USP12: variants seen among roughly 807,000 people sequenced by gnomAD.
USP12 encodes the protein ubiquitin specific peptidase 12, also known as ubiquitin carboxyl-terminal hydrolase 12.
Under a neutral mutation model 45.5 loss-of-function variants are expected in USP12, and 19 were observed. The observed-to-expected ratio is 0.42, with a 90% CI of 0.29 to 0.61. The LOEUF (loss-of-function observed/expected upper bound fraction) is 0.61, where lower values mean the gene tolerates loss of function less well. USP12 is among the 20% of genes least tolerant of loss of function. The pLI is 0.22. For synonymous variants in USP12, 149 were observed against 148.8 expected (o/e 1.00, Z -0.01); for missense variants, 242 against 447.7 (o/e 0.54, Z 4.15).
At chr13:27,080,219 G>C (rs1873685208) in intron 6 of USP12, among the ~76,000 whole-genome samples, 1 of 152,220 alleles carries the variant, frequency 6.6e-6, no homozygotes, top group Admixed American at 6.5e-5. Flanking sequence ...GATTCCAGAA[G>C]ACTTGCATGG....
intron 6 of USP12, among the ~76,000 whole-genome samples, chr13:27,080,636 T>C (rs1235024945): frequency 6.6e-6 from 1 of 152,188 alleles, no homozygotes; most frequent in Non-Finnish European, 1.5e-5. Context: ...GTACTGTCAC[T>C]AATCATTGGA....
chr13:27,113,662 G>A (rs191173981), intron 2 of USP12, among the ~76,000 whole-genome samples: 1 of 152,240 alleles, frequency 6.6e-6, no homozygotes. Context: ...AATTACTGTC[G>A]TGTTATCAAT....
chr13:27,095,359 A>C (rs752906173), intron 4 of USP12, among the ~76,000 whole-genome samples: 1 of 152,224 alleles, frequency 6.6e-6, no homozygotes, highest in Non-Finnish European at 1.5e-5. Context: ...TCCTAAACTG[A>C]AAGAAAATCA....
At chr13:27,099,023 C>A (rs953499158) in intron 3 of USP12, among the ~76,000 whole-genome samples, 2 of 152,180 alleles carry the variant, frequency 1.3e-5, no homozygotes, top group African/African-American at 4.8e-5. Flanking sequence ...CACCTGAGGT[C>A]AGGAGTTCAA....
chr13:27,160,530 G>A (rs901421832), intron 1 of USP12, among the ~76,000 whole-genome samples: 31 of 150,132 alleles, frequency 2.1e-4, no homozygotes, highest in African/African-American at 7.6e-4. Context: ...ACAATGAAAA[G>A]ATTCTAATTT....
intron 1 of USP12, among the ~76,000 whole-genome samples, chr13:27,165,748 C>T (rs1039574975): frequency 2.6e-5 from 4 of 151,790 alleles, no homozygotes; most frequent in Non-Finnish European, 4.4e-5. Flanking sequence ...CTGTTGGTGA[C>T]GAAAATGGTG....
At chr13:27,128,498 T>C (rs534146848) in intron 1 of USP12, among the ~76,000 whole-genome samples, 2 of 152,274 alleles carry the variant, frequency 1.3e-5, no homozygotes, top group African/African-American at 4.8e-5. Context: ...AACATAACTA[T>C]ATCTGAACTC....
chr13:27,099,266 A>G (rs1874744288), intron 3 of USP12, among the ~76,000 whole-genome samples: 1 of 152,192 alleles, frequency 6.6e-6, no homozygotes, highest in Non-Finnish European at 1.5e-5. Flanking sequence ...GAATGTATGC[A>G]TGTATTATTT....
rs533548089 is a variant in USP12 at position 27,117,197 on chromosome 13, G to A, written c.49-601C>T. Among the ~76,000 whole-genome samples the A allele has an allele frequency of 6.6e-5, 10 of 152,290 alleles. No homozygotes were observed. The East Asian group carries it at 1.9e-3, about 29-fold the overall frequency. On this transcript the variant is annotated intron_variant, in intron 1 of 8. Coordinates refer to ENST00000282344, the MANE Select transcript of USP12 (RefSeq NM_182488.4). ...CTTTCTTCTCACAGAACCAAAGCCT[G>A]GATCAAGGAATTACATTCATAACAT...
At chr13:27,103,073 A>T (rs1874948250) in intron 3 of USP12, among the ~76,000 whole-genome samples, 1 of 152,236 alleles carries the variant, frequency 6.6e-6, no homozygotes, top group Non-Finnish European at 1.5e-5. Flanking sequence ...AGGACCATCA[A>T]AAAGATTAGT....
In USP12 at chr13:27,149,302, C is replaced by T. The variant is rs1044061678; in HGVS notation, c.48+22290G>A. Among the ~76,000 whole-genome samples, 6 of 152,162 alleles carry T rather than the reference C, an allele frequency of 3.9e-5. 1 individual carries two copies. The highest frequency in any genetic ancestry group is 3.9e-4 in the Admixed American group (6 of 15,276). The stretch of plus-strand genomic sequence containing the variant: ...AATATCTTACTTAATAGCGAAAACA[C>T]TGGATGCTTTTCCTCTAAGATTAGG... On this transcript the variant is annotated intron_variant, in intron 1 of 8. Transcript: ENST00000282344.
At chr13:27,088,277 G>A (rs1432788934) in intron 6 of USP12, among the ~76,000 whole-genome samples, 1 of 152,038 alleles carries the variant, frequency 6.6e-6, no homozygotes, top group Non-Finnish European at 1.5e-5. Flanking sequence ...TTAGCCGGGC[G>A]TGGTGGCGGG....
In USP12 at chr13:27,089,865, A is replaced by G. The variant is rs1874234808; in HGVS notation, c.734+18T>C. ...AAAAAATAAAATCACTTAAAAATCC[A>G]TAAAGCTCTAAAATTACCGTTTGTG... is the stretch of plus-strand genomic sequence containing the variant. On this transcript the variant is annotated intron_variant, in intron 6 of 8. Transcript: ENST00000282344. 6.2e-7 allele frequency: 1 copy of G among 1,606,162 alleles called. No homozygotes were observed. Among genetic ancestry groups the G allele is most frequent in the South Asian group, 1.1e-5 (1 of 89,876 alleles).
In USP12 at chr13:27,067,899, G is replaced by A. The variant is rs1049819317; in HGVS notation, c.*1384C>T. Reference sequence around the variant, plus strand: ...AAAAACGTCCAAAAAAACTGCAATCGTTTACATATATTTTATGTTACATAT... The same window carrying A: ...AAAAACGTCCAAAAAAACTGCAATCATTTACATATATTTTATGTTACATAT... On this transcript the variant is annotated 3_prime_UTR_variant, in exon 9 of 9. Coordinates refer to ENST00000282344, the MANE Select transcript of USP12 (RefSeq NM_182488.4). 7.9e-5 allele frequency: 12 copies of A among 151,988 alleles called. No individual in the cohort carries two copies. Among genetic ancestry groups the A allele is most frequent in the African/African-American group, 2.7e-4 (11 of 41,376 alleles). The allele number at this position is 151,988 out of a possible 1,614,324, so 9.4% of individuals were successfully genotyped here. A position where few individuals can be genotyped will look rare whatever the true frequency, so the allele number is the denominator to read the frequency against.
chr13:27,143,852 T>C (rs962064302), intron 1 of USP12, among the ~76,000 whole-genome samples: 10 of 152,206 alleles, frequency 6.6e-5, no homozygotes, highest in African/African-American at 2.4e-4. Flanking sequence ...CATAAGGAAA[T>C]GTTCAGACAA....
At chr13:27,169,942 C>A (rs1328842567) in intron 1 of USP12, 1 of 173,954 alleles carries the variant, frequency 5.7e-6, no homozygotes, top group Non-Finnish European at 1.2e-5. Context: ...CTCCTGAAAT[C>A]TAGTCTTTGA....
intron 1 of USP12, among the ~76,000 whole-genome samples, chr13:27,131,095 AGC>A (rs1876478642): frequency 6.6e-6 from 1 of 152,260 alleles, no homozygotes; most frequent in Non-Finnish European, 1.5e-5. Context: ...TTTTAAAATA[AGC>A]ACAGATTTAC....
intron 1 of USP12, among the ~76,000 whole-genome samples, chr13:27,117,008 CATA>C (rs1398589054): frequency 6.6e-6 from 1 of 152,064 alleles, no homozygotes; most frequent in African/African-American, 2.4e-5. Context: ...ATCGTATTTT[CATA>C]ATATTGTCAC....
rs1565980949 is a variant in USP12, at chr13:27,075,210, C to G, written c.913G>C (p.Val305Leu). The change falls in exon 7 of 9, where the codon GTT becomes CTT. Residue 305 changes from valine to leucine, a missense_variant. Transcript: ENST00000282344. ...NPDRMYDLVA[V>L]VVHCGSGPNR... Reference sequence around the variant, plus strand: ...AATTACCTTCCACAGTGAACCACAACAGCAACAAGGTCGTACATTCTGTCT... The same window carrying G: ...AATTACCTTCCACAGTGAACCACAAGAGCAACAAGGTCGTACATTCTGTCT... The G allele has an allele frequency of 6.2e-7, 1 of 1,613,922 alleles. No homozygotes were observed. The highest frequency in any genetic ancestry group is 1.3e-5 in the African/African-American group (1 of 75,040).
Sources: allele counts gnomAD v4.1 joint callset (sites outside exome capture counted in the v4.1 genomes callset), GRCh38; gene constraint gnomAD v4.1.1; transcripts MANE v1.5; gene names NCBI Gene and HGNC (gene_info 2026-07-23, HGNC 2026-07-21).